SPIDR: variants seen among roughly 807,000 people sequenced by gnomAD.
SPIDR encodes the protein scaffold protein involved in DNA repair.
SPIDR carries 93 observed loss-of-function variants against 104.6 expected under a neutral mutation model. The observed-to-expected ratio is 0.89, with a 90% confidence interval of 0.75 to 1.06. SPIDR has a LOEUF of 1.06. Among genes scored for constraint, SPIDR ranks in the 50% least tolerant of loss-of-function variants. The pLI is 0.00. For missense variants in SPIDR, 1,154 were observed against 1,111.2 expected, an observed-to-expected ratio of 1.04 and a Z score of -0.55; for synonymous variants, 431 against 416.9, an observed-to-expected ratio of 1.03 and a Z score of -0.41.
intron 1 of SPIDR, among the ~76,000 whole-genome samples, chr8:47,270,729 C>CT (rs1392780808): frequency 6.6e-6 from 1 of 152,140 alleles, no homozygotes; most frequent in African/African-American, 2.4e-5. Flanking sequence ...GTAAGTACTG[C>CT]TTTAGCTGCA....
At chr8:47,504,137 G>A (rs997103145) in intron 8 of SPIDR, among the ~76,000 whole-genome samples, 45 of 152,156 alleles carry the variant, frequency 3.0e-4, no homozygotes, top group African/African-American at 1.0e-3. Context: ...CTCGAGGAGT[G>A]TCTTTGTGGC....
At chr8:47,551,298 G>A (rs1421197762) in intron 8 of SPIDR, among the ~76,000 whole-genome samples, 1 of 152,166 alleles carries the variant, frequency 6.6e-6, no homozygotes, top group African/African-American at 2.4e-5. Flanking sequence ...ATGAGTTAGG[G>A]AGGATTCCCT....
At chr8:47,705,985 A>T (rs1394585840) in intron 14 of SPIDR, among the ~76,000 whole-genome samples, 1 of 152,200 alleles carries the variant, frequency 6.6e-6, no homozygotes, top group Non-Finnish European at 1.5e-5. Context: ...TTCATATTTA[A>T]CTTTTATTTT....
intron 8 of SPIDR, among the ~76,000 whole-genome samples, chr8:47,521,077 A>T: frequency 6.6e-6 from 1 of 152,208 alleles, no homozygotes; most frequent in East Asian, 1.9e-4. Context: ...GTTGGATCCA[A>T]GACGTCTGTC....
intron 10 of SPIDR, among the ~76,000 whole-genome samples, chr8:47,637,752 C>T (rs896289630): frequency 2.0e-5 from 3 of 152,264 alleles, no homozygotes; most frequent in Middle Eastern, 3.4e-3. Flanking sequence ...ACCTTGATCA[C>T]CTCCCTGAGG....
intron 5 of SPIDR, among the ~76,000 whole-genome samples, chr8:47,362,994 A>G (rs1587709667): frequency 2.6e-5 from 4 of 151,458 alleles, no homozygotes. Flanking sequence ...TAGACAACAT[A>G]CCTGTTCTCA....
chr8:47,411,017 T>C (rs916688848), intron 7 of SPIDR, among the ~76,000 whole-genome samples: 1 of 152,196 alleles, frequency 6.6e-6, no homozygotes, highest in Non-Finnish European at 1.5e-5. Context: ...GCATAGTATT[T>C]CATGGTGTAT....
intron 8 of SPIDR, among the ~76,000 whole-genome samples, chr8:47,466,904 T>A (rs62539102): frequency 0.01 from 1,151 of 112,310 alleles, 16 homozygotes; most frequent in African/African-American, 0.032. Flanking sequence ...AAAAAAAATA[T>A]ATATATATAT....
chr8:47,402,465 TAAA>T (rs1367411233), intron 6 of SPIDR, among the ~76,000 whole-genome samples: 3 of 151,670 alleles, frequency 2.0e-5, no homozygotes, highest in African/African-American at 4.9e-5. Context: ...GCAGGACTAA[TAAA>T]GAAGAAAAGA....
At chr8:47,276,461 T>A (rs963830997) in intron 1 of SPIDR, among the ~76,000 whole-genome samples, 6 of 152,348 alleles carry the variant, frequency 3.9e-5, no homozygotes, top group Non-Finnish European at 7.3e-5. Context: ...ACCAGTTTAT[T>A]GAATTTCATG....
intron 5 of SPIDR, among the ~76,000 whole-genome samples, chr8:47,361,110 T>G (rs1029900812): frequency 6.6e-6 from 1 of 152,240 alleles, no homozygotes; most frequent in Non-Finnish European, 1.5e-5. Context: ...GTCCCAGTGC[T>G]GTGATCTCAG....
chr8:47,470,893 C>T (rs2075601815), intron 8 of SPIDR, among the ~76,000 whole-genome samples: 1 of 152,028 alleles, frequency 6.6e-6, no homozygotes, highest in African/African-American at 2.4e-5. Flanking sequence ...CGCCACCACG[C>T]CCAGCTAATT....
At chr8:47,420,235 A>T (rs1311360523) in intron 7 of SPIDR, among the ~76,000 whole-genome samples, 1 of 151,974 alleles carries the variant, frequency 6.6e-6, no homozygotes, top group Non-Finnish European at 1.5e-5. Context: ...TCCCATTATT[A>T]TTGTGTGGGA....
chr8:47,282,108 TA>T (rs1236116873), intron 2 of SPIDR, among the ~76,000 whole-genome samples: 5 of 152,238 alleles, frequency 3.3e-5, no homozygotes, highest in Non-Finnish European at 4.4e-5. Context: ...ACAGTGGGCT[TA>T]AAGTATTACA....
intron 8 of SPIDR, among the ~76,000 whole-genome samples, chr8:47,582,451 C>G (rs1304438195): frequency 6.6e-6 from 1 of 152,128 alleles, no homozygotes; most frequent in Non-Finnish European, 1.5e-5. Context: ...GTTGACAGTG[C>G]TGATAGTGAT....
intron 8 of SPIDR, among the ~76,000 whole-genome samples, chr8:47,502,571 A>G (rs1401540197): frequency 6.6e-6 from 1 of 151,762 alleles, no homozygotes; most frequent in African/African-American, 2.4e-5. Flanking sequence ...AATTTTGTTG[A>G]TCTTTTCAAA....
intron 8 of SPIDR, among the ~76,000 whole-genome samples, chr8:47,563,271 G>T (rs1474174567): frequency 1.3e-5 from 2 of 151,978 alleles, no homozygotes; most frequent in East Asian, 3.9e-4. Context: ...CTAGGCTCAA[G>T]CGATCCTCCT....
At chr8:47,520,107 T>C (rs999868314) in intron 8 of SPIDR, among the ~76,000 whole-genome samples, 4 of 152,236 alleles carry the variant, frequency 2.6e-5, no homozygotes, top group Admixed American at 1.3e-4. Context: ...TATTTGAATA[T>C]GGAGTATCTG....
At chr8:47,295,949 G>T (rs1481726826) in intron 5 of SPIDR, among the ~76,000 whole-genome samples, 1 of 152,076 alleles carries the variant, frequency 6.6e-6, no homozygotes, top group Non-Finnish European at 1.5e-5. Context: ...ACCAACGCTT[G>T]TTATCTTTCA....
Sources: allele counts gnomAD v4.1 joint callset (sites outside exome capture counted in the v4.1 genomes callset), GRCh38; gene constraint gnomAD v4.1.1; transcripts MANE v1.5; gene names NCBI Gene and HGNC (gene_info 2026-07-23, HGNC 2026-07-21).